Variants in DENND4C observed in about 807,000 individuals in gnomAD.
DENND4C encodes the protein DENN domain-containing protein 4C.
A neutral mutation model predicts 203.0 loss-of-function variants in DENND4C; 108 were observed. The ratio of observed to expected loss-of-function variants is 0.53; its 90% CI spans 0.46 to 0.62. The LOEUF (loss-of-function observed/expected upper bound fraction) is 0.62, where lower values mean the gene tolerates loss of function less well. DENND4C is among the 20% of genes least tolerant of loss of function. The probability of loss-of-function intolerance (pLI) is 0.00; values close to 1 mark genes in which losing one functional copy is unlikely to be tolerated. For missense variants in DENND4C, 2,481 were observed against 2,301.2 expected, an observed-to-expected ratio of 1.08 and a Z score of -1.60; for synonymous variants, 871 against 792.4, an observed-to-expected ratio of 1.10 and a Z score of -1.67.
chr9:19,288,638 G>A lies in DENND4C; in HGVS notation c.601G>A (p.Ala201Thr). 1 of 1,231,736 alleles carries A rather than the reference G, an allele frequency of 8.1e-7. No individual in the cohort carries two copies. Among genetic ancestry groups the A allele is most frequent in the Non-Finnish European group, 1.0e-6 (1 of 987,790 alleles). 76.3% of individuals were successfully genotyped at this position (1,231,736 alleles called of 1,614,324 possible). The change falls in exon 4 of 33, where the codon GCT becomes ACT. Residue 201 changes from alanine to threonine, a missense_variant. Ala to Thr is a moderately conservative substitution (Grantham distance 58). Around this residue, in one of 3 missense-constraint regions of DENND4C, gnomAD observed 2,289 missense variants for 2,113.3 expected, o/e 1.08. Transcript: ENST00000434457. ...TCTGTGTTATAAGAAGTCTGTACCT[G>A]CTTCAAATGCAATAGCATATAAGGC... ...VFLCYKKSVP[A>T]SNAIAYKAGL...
rs1020118801 is a variant in DENND4C at position 19,331,843 on chromosome 9, A to C, written c.2254-135A>C. The C allele has an allele frequency of 1.8e-4, 128 of 730,416 alleles. 1 individual carries two copies. The highest frequency in any genetic ancestry group is 1.6e-4 in the Admixed American group (6 of 36,772). The allele number at this position is 730,416 out of a possible 1,614,324, so 45.2% of individuals were successfully genotyped here. On this transcript the variant is annotated intron_variant, in intron 16 of 32. Transcript: ENST00000434457. Reference sequence around the variant, plus strand: ...AACACTGATAAGCAGGAAGCCACTCACAAAAGTCAACTTTGAAGTGCTTGA... The same window carrying C: ...AACACTGATAAGCAGGAAGCCACTCCCAAAAGTCAACTTTGAAGTGCTTGA...
intron 1 of DENND4C, among the ~76,000 whole-genome samples, chr9:19,258,134 AATC>A (rs1828445683): frequency 1.1e-5 from 1 of 95,124 alleles, no homozygotes; most frequent in Admixed American, 1.1e-4. Flanking sequence ...TCAATCAATC[AATC>A]TATCTATCTA....
intron 22 of DENND4C, among the ~76,000 whole-genome samples, chr9:19,343,059 A>T (rs1332255127): frequency 6.6e-6 from 1 of 152,218 alleles, no homozygotes; most frequent in Non-Finnish European, 1.5e-5. Context: ...TATAGATAAT[A>T]AGAAAGTGTA....
At position 19,337,717 on chromosome 9, in the gene DENND4C, TG is replaced by T. The variant is rs990285607; in HGVS notation, c.2881+890del. 4.3e-6 allele frequency: 5 copies of T among 1,152,950 alleles called. No individual in the cohort carries two copies. The Admixed American group carries it at 9.5e-5, about 22-fold the overall frequency. 71.4% of individuals were successfully genotyped at this position (1,152,950 alleles called of 1,614,324 possible). ...GTTAAATTTTGCTGACCTGCAAGGG[TG>T]GGGGAAAGACCTTTCATTGTATTTT... On this transcript the variant is annotated intron_variant, in intron 20 of 32. Transcript: ENST00000434457.
At chr9:19,271,735 C>A (rs1033274897) in intron 1 of DENND4C, among the ~76,000 whole-genome samples, 3 of 151,930 alleles carry the variant, frequency 2.0e-5, no homozygotes, top group Non-Finnish European at 2.9e-5. Context: ...AGTGGTGGTG[C>A]ATGCCTGTAA....
Position 19,341,527 on chromosome 9 carries a change from C to G in DENND4C, c.3004+413C>G, listed in dbSNP as rs185310296. On this transcript the variant is annotated intron_variant, in intron 21 of 32. Transcript: ENST00000434457. Reference sequence around the variant, plus strand: ...GTCTCACCATGTTGCCCCGGCTAGTCTTGACCTACTGAGCTCAAGTGATCT... The same window carrying G: ...GTCTCACCATGTTGCCCCGGCTAGTGTTGACCTACTGAGCTCAAGTGATCT... Among the ~76,000 whole-genome samples the G allele has an allele frequency of 2.7e-3, 414 of 151,968 alleles. 2 individuals are homozygous for G. Among genetic ancestry groups the G allele is most frequent in the African/African-American group, 9.7e-3 (402 of 41,460 alleles).
intron 21 of DENND4C, 68 bp downstream of exon 21, chr9:19,341,182 C>G: frequency 1.6e-6 from 2 of 1,268,242 alleles, no homozygotes; most frequent in Admixed American, 2.6e-5. Context: ...AAAAGTTTAT[C>G]TTAGTTGATA....
intron 4 of DENND4C, among the ~76,000 whole-genome samples, chr9:19,289,285 A>C (rs1016801195): frequency 1.3e-5 from 2 of 152,180 alleles, no homozygotes; most frequent in African/African-American, 4.8e-5. Flanking sequence ...AAAACTGAAA[A>C]TACAGGTATG....
intron 15 of DENND4C, among the ~76,000 whole-genome samples, chr9:19,327,348 C>T (rs972637911): frequency 5.3e-5 from 8 of 151,696 alleles, no homozygotes; most frequent in Non-Finnish European, 1.2e-4. Flanking sequence ...TGAATAGAAA[C>T]CTTTGAGATT....
chr9:19,282,801 C>T (rs1378822781), intron 2 of DENND4C, among the ~76,000 whole-genome samples: 8 of 137,734 alleles, frequency 5.8e-5, no homozygotes, highest in Non-Finnish European at 1.2e-4. Context: ...ACTACAATCT[C>T]TGCTTCCTGG....
chr9:19,246,057 C>T (rs183175876), intron 1 of DENND4C, among the ~76,000 whole-genome samples: 171 of 151,862 alleles, frequency 1.1e-3, no homozygotes, highest in Non-Finnish European at 2.0e-3. Context: ...GTCCATCATT[C>T]TCCTCATATA....
chr9:19,306,027 T>C (rs1299734588), intron 10 of DENND4C, among the ~76,000 whole-genome samples: 2 of 152,200 alleles, frequency 1.3e-5, no homozygotes, highest in African/African-American at 4.8e-5. Flanking sequence ...TAGTTTGTGT[T>C]TGCTGAAGGT....
chr9:19,350,518 T>C (rs968927906), intron 23 of DENND4C, among the ~76,000 whole-genome samples, 184 bp from the exon 24 acceptor site: 9 of 152,300 alleles, frequency 5.9e-5, no homozygotes, highest in African/African-American at 2.2e-4. Context: ...TTGTTGCTTA[T>C]GGCTTGAATG....
chr9:19,261,269 G>A (rs566347053), intron 1 of DENND4C, among the ~76,000 whole-genome samples: 5 of 152,070 alleles, frequency 3.3e-5, no homozygotes, highest in Middle Eastern at 3.4e-3. Context: ...TATAGCTCTA[G>A]TATAATTTGA....
chr9:19,230,637 C>CA (rs1330134659), upstream of DENND4C: 1 of 152,180 alleles, frequency 6.6e-6, no homozygotes, highest in African/African-American at 2.4e-5. Context: ...CCGGCCATCG[C>CA]CCCTGGCTGT....
intron 17 of DENND4C, 68 bp from the exon 18 acceptor site, chr9:19,334,909 T>G: frequency 7.2e-7 from 1 of 1,384,588 alleles, no homozygotes; most frequent in East Asian, 2.5e-5. Context: ...AAGAATTCAG[T>G]AAAATCTCTA....
intron 1 of DENND4C, among the ~76,000 whole-genome samples, chr9:19,248,914 CA>C (rs1825895630): frequency 6.6e-6 from 1 of 152,090 alleles, no homozygotes; most frequent in East Asian, 1.9e-4. Context: ...CCTCAGACTC[CA>C]GAGTAGCTGG....
chr9:19,231,714 C>T lies in DENND4C; in HGVS notation c.-18+881C>T, dbSNP rs191453700. On this transcript the variant is annotated intron_variant, in intron 1 of 32. Coordinates refer to ENST00000434457, the MANE Select transcript of DENND4C (RefSeq NM_001330640.2). ...AGGGTAGTTACCGCGGGTACTTGTG[C>T]AAATTTGAGGGAAAGTGTCATTTCC... is the stretch of plus-strand genomic sequence containing the variant. 4.6e-5 allele frequency among the ~76,000 whole-genome samples: 7 copies of T among 151,928 alleles called. No individual in the cohort carries two copies. In the East Asian group the frequency reaches 1.4e-3, roughly 29 times the overall value.
At position 19,305,517 on chromosome 9, in the gene DENND4C, A is replaced by G. The variant is rs200445973; in HGVS notation, c.1477A>G (p.Met493Val). ...DVVCIDLDTN[M>V]LYVSDEKKNM... ...TGTTTGCATTGACTTGGATACGAAC[A>G]TGTTATATGTGTAAGTTGATTCATT... The change falls in exon 10 of 33, where the codon ATG (methionine) becomes GTG (valine). Residue 493 changes from methionine (M) to valine (V), a missense_variant. Met to Val is a conservative substitution (Grantham distance 21). Around this residue, in one of 3 missense-constraint regions of DENND4C, gnomAD observed 2,289 missense variants for 2,113.3 expected, o/e 1.08. Transcript: ENST00000434457. 15 of 1,612,052 alleles carry G rather than the reference A, an allele frequency of 9.3e-6. 2 individuals are homozygous for G. The Admixed American group carries it at 1.0e-4, about 11-fold the overall frequency.
Sources: allele counts gnomAD v4.1 joint callset (sites outside exome capture counted in the v4.1 genomes callset), GRCh38; gene constraint gnomAD v4.1.1; regional missense constraint gnomAD v4.1.1; transcripts MANE v1.5; gene names NCBI Gene and HGNC (gene_info 2026-07-23, HGNC 2026-07-21).